The following SNAP47 variants were observed in gnomAD, a reference collection of about 807,000 sequenced individuals.
SNAP47 encodes synaptosomal-associated protein 47.
Under a neutral mutation model 31.4 loss-of-function variants are expected in SNAP47, and 20 were observed. The observed-to-expected ratio is 0.64, with a 90% CI of 0.45 to 0.93. The LOEUF (loss-of-function observed/expected upper bound fraction) is 0.93. SNAP47 is among the 40% of genes least tolerant of loss of function. The probability of loss-of-function intolerance (pLI) is 0.00; values close to 1 mark genes in which losing one functional copy is unlikely to be tolerated. For synonymous variants in SNAP47, 194 were observed against 213.4 expected (o/e 0.91, Z 0.79); for missense variants, 492 against 528.5 (o/e 0.93, Z 0.68).
upstream of SNAP47, chr1:227,732,577 C>G (rs776666772): frequency 1.9e-6 from 3 of 1,613,370 alleles, no homozygotes; most frequent in African/African-American, 4.0e-5. Context: ...CCGTCCTCAG[C>G]GGCTGCCTCC....
intron 4 of SNAP47, among the ~76,000 whole-genome samples, chr1:227,778,579 C>T (rs905158454): frequency 2.0e-4 from 30 of 152,214 alleles, no homozygotes; most frequent in African/African-American, 7.0e-4. Flanking sequence ...CCATCCCTTC[C>T]AAGGGCTGTG....
In SNAP47 at chr1:227,759,540, G is replaced by A. The variant is rs965197015; in HGVS notation, c.988+55G>A. Reference sequence around the variant, plus strand: ...GCACAGACTTCTAAAATTACAGGCAGACTCAGCACGCCTGTGGGAAATGCC... The same window carrying A: ...GCACAGACTTCTAAAATTACAGGCAAACTCAGCACGCCTGTGGGAAATGCC... On this transcript the variant is annotated intron_variant, in intron 3 of 4. Transcript: ENST00000617596. 5 of 1,577,580 alleles carry A rather than the reference G, an allele frequency of 3.2e-6. No homozygotes were observed. The South Asian group carries it at 4.7e-5, about 15-fold the overall frequency.
intron 3 of SNAP47, among the ~76,000 whole-genome samples, chr1:227,764,986 G>C (rs114794852): frequency 0.021 from 3,211 of 152,330 alleles, 50 homozygotes; most frequent in Non-Finnish European, 0.032. Context: ...GAAGCAAGAG[G>C]ATCACTCGAG....
chr1:227,731,439 A>C (rs968589195), upstream of SNAP47: 1 of 152,302 alleles, frequency 6.6e-6, no homozygotes. Flanking sequence ...GCAGCCAACC[A>C]GGGGCCAACT....
chr1:227,753,317 C>T (rs967564211), intron 2 of SNAP47, among the ~76,000 whole-genome samples: 12 of 152,150 alleles, frequency 7.9e-5, no homozygotes, highest in African/African-American at 1.2e-4. Context: ...TCTGATTAAC[C>T]CCATTTCTGG....
chr1:227,765,352 C>T (rs546876448), intron 3 of SNAP47, among the ~76,000 whole-genome samples: 4 of 152,278 alleles, frequency 2.6e-5, no homozygotes, highest in African/African-American at 7.2e-5. Flanking sequence ...GCGAGGTGGA[C>T]GGGGGCCACC....
chr1:227,741,753 G>A lies in SNAP47; in HGVS notation c.-45-5939G>A, dbSNP rs1277281203. Among the ~76,000 whole-genome samples the A allele has an allele frequency of 2.0e-5, 3 of 152,006 alleles. No homozygotes were observed. The highest frequency in any genetic ancestry group is 6.5e-5 in the Admixed American group (1 of 15,280). On this transcript the variant is annotated intron_variant, in intron 1 of 4. Coordinates refer to ENST00000617596, the MANE Select transcript of SNAP47 (RefSeq NM_053052.4). The surrounding 1 kb of genome is among the most constrained non-coding windows in gnomAD (Gnocchi z 4.2). Reference sequence around the variant, plus strand: ...GGAATGGCTGGCCGGCGTGGGGGCCGTGTTCAAGATTGGGCTGCTTCTGAT... The same window carrying A: ...GGAATGGCTGGCCGGCGTGGGGGCCATGTTCAAGATTGGGCTGCTTCTGAT...
At chr1:227,734,193 C>G, upstream of SNAP47, 2 of 775,290 alleles carry the variant, frequency 2.6e-6, no homozygotes, top group African/African-American at 1.8e-5. Context: ...ACGCTGCTGG[C>G]GGGGGAGGGG....
chr1:227,735,290 C>G, upstream of SNAP47: 1 of 1,605,772 alleles, frequency 6.2e-7, no homozygotes, highest in Non-Finnish European at 8.5e-7. Flanking sequence ...CAGCACGGGT[C>G]GAAGGACCCT....
At chr1:227,733,864 C>A (rs752452250), upstream of SNAP47, 1 of 1,610,368 alleles carries the variant, frequency 6.2e-7, no homozygotes, top group Non-Finnish European at 8.5e-7. Flanking sequence ...TCCGTTCTGT[C>A]ACCAGGCCCC....
At chr1:227,734,859 T>C, upstream of SNAP47, 1 of 1,609,660 alleles carries the variant, frequency 6.2e-7, no homozygotes, top group Non-Finnish European at 8.5e-7. Context: ...CTGGGCCCCG[T>C]CCTCACTCCA....
chr1:227,733,094 C>T (rs1660781538), upstream of SNAP47: 1 of 1,556,586 alleles, frequency 6.4e-7, no homozygotes, highest in South Asian at 1.1e-5. Context: ...CCCACATCTC[C>T]TGCGCCAGGA....
intron 4 of SNAP47, among the ~76,000 whole-genome samples, chr1:227,775,400 C>T (rs1257611343): frequency 3.9e-5 from 6 of 152,172 alleles, no homozygotes; most frequent in Non-Finnish European, 5.9e-5. Flanking sequence ...CTTAATGACA[C>T]GGCCAGGGCA....
chr1:227,772,086 C>T (rs758124272), intron 4 of SNAP47, among the ~76,000 whole-genome samples: 5 of 152,148 alleles, frequency 3.3e-5, no homozygotes, highest in African/African-American at 7.2e-5. Flanking sequence ...TCCCAGTTGT[C>T]GCTTTAATGA....
chr1:227,749,821 G>C (rs1385379373), intron 2 of SNAP47, among the ~76,000 whole-genome samples: 1 of 130,304 alleles, frequency 7.7e-6, no homozygotes, highest in Non-Finnish European at 1.7e-5. Flanking sequence ...GTGTGTATTT[G>C]TGTGTGTCAT....
At chr1:227,772,458 C>T (rs933442399) in intron 4 of SNAP47, among the ~76,000 whole-genome samples, 93 of 151,710 alleles carry the variant, frequency 6.1e-4, no homozygotes, top group African/African-American at 2.0e-3. Flanking sequence ...ACTTGGCATA[C>T]GGTTTTCAGG....
rs566874937 is a variant in SNAP47 at position 227,754,120 on chromosome 1, A to G, written c.498-4875A>G. 2.0e-5 allele frequency among the ~76,000 whole-genome samples: 3 copies of G among 152,352 alleles called. No individual in the cohort carries two copies. The South Asian group carries it at 6.2e-4, about 32-fold the overall frequency. Reference sequence around the variant, plus strand: ...GGAAGTAGCTCTCAGCAGATGGGGAAGCCCGAAGGGAGATGGTTTTCCCCT... The same window carrying G: ...GGAAGTAGCTCTCAGCAGATGGGGAGGCCCGAAGGGAGATGGTTTTCCCCT... On this transcript the variant is annotated intron_variant, in intron 2 of 4. Coordinates refer to ENST00000617596, the MANE Select transcript of SNAP47 (RefSeq NM_053052.4).
chr1:227,768,829 C>G (rs1663602950), intron 4 of SNAP47, among the ~76,000 whole-genome samples: 1 of 152,242 alleles, frequency 6.6e-6, no homozygotes, highest in Non-Finnish European at 1.5e-5. Flanking sequence ...AGTGCCTCGG[C>G]ACGTGGCTGA....
At chr1:227,734,339 A>T, upstream of SNAP47, 1 of 376,824 alleles carries the variant, frequency 2.7e-6, no homozygotes, top group Admixed American at 4.3e-5. Context: ...AACATGGTGA[A>T]ACCTAGTCTC....
Sources: gnomAD v4.1 joint callset for allele counts (sites outside exome capture counted in the v4.1 genomes callset) on GRCh38, gnomAD v4.1.1 for gene constraint, Gnocchi (gnomAD v3.1) non-coding constraint, MANE v1.5 for transcripts, NCBI Gene and HGNC (gene_info 2026-07-23, HGNC 2026-07-21) for gene names.